CTNNA3: variants seen among roughly 807,000 people sequenced by gnomAD.
CTNNA3 encodes catenin alpha-3.
A neutral mutation model predicts 95.7 loss-of-function variants in CTNNA3; 76 were observed. The ratio of observed to expected loss-of-function variants is 0.79; its 90% confidence interval spans 0.66 to 0.96. CTNNA3 has a LOEUF of 0.96. CTNNA3 is among the 40% of genes least tolerant of loss of function. CTNNA3 has a pLI of 0.00. For missense variants in CTNNA3, 1,191 were observed against 1,089.8 expected, an observed-to-expected ratio of 1.09 and a Z score of -1.31; for synonymous variants, 431 against 374.4, an observed-to-expected ratio of 1.15 and a Z score of -1.74.
chr10:66,804,414 G>A (rs1000181853), intron 7 of CTNNA3, among the ~76,000 whole-genome samples: 1 of 151,880 alleles, frequency 6.6e-6, no homozygotes, highest in Admixed American at 6.6e-5. Context: ...TGTCACTTCT[G>A]GAAAAACTCT....
intron 3 of CTNNA3, among the ~76,000 whole-genome samples, chr10:67,598,021 A>C (rs930981486): frequency 6.6e-6 from 1 of 152,088 alleles, no homozygotes; most frequent in Non-Finnish European, 1.5e-5. Flanking sequence ...CCAGACAGAG[A>C]CCTTGGGAGA....
intron 7 of CTNNA3, among the ~76,000 whole-genome samples, chr10:66,991,349 T>A (rs58208264): frequency 0.03 from 4,504 of 152,276 alleles, 306 homozygotes; most frequent in East Asian, 0.3. Flanking sequence ...ATATTTAAGA[T>A]AATCCTTTTT....
At chr10:67,293,102 C>T (rs1839900606) in intron 5 of CTNNA3, among the ~76,000 whole-genome samples, 1 of 152,090 alleles carries the variant, frequency 6.6e-6, no homozygotes, top group Admixed American at 6.6e-5. Flanking sequence ...CTACCTATTT[C>T]CTTGTTAATA....
At chr10:67,099,026 T>C (rs748914893) in intron 7 of CTNNA3, 1 of 151,836 alleles carries the variant, frequency 6.6e-6, no homozygotes, top group Non-Finnish European at 1.5e-5. Flanking sequence ...ATATGAGCCA[T>C]GGTGGAGAAC....
At chr10:67,414,067 A>G (rs1043482218) in intron 5 of CTNNA3, among the ~76,000 whole-genome samples, 1 of 152,106 alleles carries the variant, frequency 6.6e-6, no homozygotes, top group Non-Finnish European at 1.5e-5. Context: ...CTAGCAAAAG[A>G]AAAGAAATAA....
intron 5 of CTNNA3, among the ~76,000 whole-genome samples, chr10:67,464,994 C>T (rs1375264567): frequency 1.3e-5 from 2 of 151,902 alleles, no homozygotes; most frequent in African/African-American, 2.4e-5. Context: ...TTTATGAAGG[C>T]AATTGCCTGT....
intron 10 of CTNNA3, among the ~76,000 whole-genome samples, chr10:66,557,005 TAAA>T: frequency 6.6e-6 from 1 of 152,028 alleles, no homozygotes; most frequent in East Asian, 1.9e-4. Flanking sequence ...TATTAAAAAG[TAAA>T]AAAGTGTTAG....
intron 7 of CTNNA3, among the ~76,000 whole-genome samples, chr10:67,058,014 C>T (rs1199512672): frequency 1.3e-5 from 2 of 152,154 alleles, no homozygotes; most frequent in African/African-American, 4.8e-5. Context: ...CAAAGTTCCC[C>T]ACATCATAGA....
chr10:67,240,018 A>G (rs908225757), intron 5 of CTNNA3, among the ~76,000 whole-genome samples: 5 of 152,222 alleles, frequency 3.3e-5, no homozygotes, highest in Non-Finnish European at 5.9e-5. Context: ...AAACTTCCTT[A>G]CGAAGCTACA....
chr10:66,669,823 T>C (rs1472648848), intron 9 of CTNNA3, among the ~76,000 whole-genome samples: 1 of 152,174 alleles, frequency 6.6e-6, no homozygotes, highest in African/African-American at 2.4e-5. Context: ...GTATAGTTAA[T>C]TAAATAGAGT....
At chr10:66,294,653 T>G (rs1050233466) in intron 12 of CTNNA3, among the ~76,000 whole-genome samples, 2 of 152,150 alleles carry the variant, frequency 1.3e-5, no homozygotes, top group Admixed American at 6.6e-5. Context: ...CATTTGGTAC[T>G]GAGATAGAAA....
intron 7 of CTNNA3, among the ~76,000 whole-genome samples, chr10:66,833,702 G>A (rs893618758): frequency 6.6e-6 from 1 of 152,100 alleles, no homozygotes; most frequent in African/African-American, 2.4e-5. Context: ...ATACATGACT[G>A]AGATGAGTTT....
At chr10:66,746,453 T>C (rs1838877801) in intron 9 of CTNNA3, among the ~76,000 whole-genome samples, 1 of 152,222 alleles carries the variant, frequency 6.6e-6, no homozygotes, top group Non-Finnish European at 1.5e-5. Context: ...ATAAAGCCTG[T>C]AACATAGTCT....
chr10:65,988,514 A>G (rs1028638599), intron 16 of CTNNA3, among the ~76,000 whole-genome samples, 178 bp downstream of exon 16: 2 of 152,198 alleles, frequency 1.3e-5, no homozygotes, highest in African/African-American at 4.8e-5. Flanking sequence ...CTAAGAAATA[A>G]TTAAGCTTCC....
chr10:66,451,198 T>G (rs4746593), intron 11 of CTNNA3, among the ~76,000 whole-genome samples: 58,193 of 152,000 alleles, frequency 0.38, 11,715 homozygotes, highest in African/African-American at 0.5. Flanking sequence ...AGTGGTAGTT[T>G]TAGTTGTGTG....
At chr10:67,115,016 G>A (rs1468042119) in intron 7 of CTNNA3, among the ~76,000 whole-genome samples, 2 of 152,012 alleles carry the variant, frequency 1.3e-5, no homozygotes, top group Non-Finnish European at 2.9e-5. Context: ...ATGTCTTGTC[G>A]TATGCCATTT....
At chr10:67,733,607 A>G (rs550956542) in intron 1 of CTNNA3, among the ~76,000 whole-genome samples, 8 of 152,330 alleles carry the variant, frequency 5.3e-5, no homozygotes, top group African/African-American at 1.7e-4. Flanking sequence ...CCATCCTTAG[A>G]AAATAGTTTA....
chr10:66,526,598 C>A (rs950786215), intron 10 of CTNNA3, among the ~76,000 whole-genome samples: 16 of 152,248 alleles, frequency 1.1e-4, no homozygotes, highest in African/African-American at 3.4e-4. Flanking sequence ...CATATCCTGG[C>A]CAAAACTTAT....
intron 14 of CTNNA3, 80 bp downstream of exon 14, chr10:66,103,077 A>C (rs1589408613): frequency 8.8e-7 from 1 of 1,134,050 alleles, no homozygotes; most frequent in South Asian, 1.2e-5. Flanking sequence ...CACCCATTAG[A>C]GGCTGCCTAG....
Sources: gnomAD v4.1 joint callset for allele counts (sites outside exome capture counted in the v4.1 genomes callset) on GRCh38, gnomAD v4.1.1 for gene constraint, MANE v1.5 for transcripts, NCBI Gene and HGNC (gene_info 2026-07-23, HGNC 2026-07-21) for gene names.